The following FHOD3 variants were observed in gnomAD, a reference collection of about 807,000 sequenced individuals.
FHOD3 encodes the protein FH1/FH2 domain-containing protein 3.
FHOD3 carries 90 observed loss-of-function variants against 173.0 expected under a neutral mutation model. The ratio of observed to expected loss-of-function variants is 0.52; its 90% CI spans 0.44 to 0.62. The LOEUF is 0.62. Among genes scored for constraint, FHOD3 ranks in the 20% least tolerant of loss-of-function variants. The pLI is 0.00. For synonymous variants in FHOD3, 828 were observed against 823.0 expected, an observed-to-expected ratio of 1.01 and a Z score of -0.10; for missense variants, 1,945 against 2,034.7, an observed-to-expected ratio of 0.96 and a Z score of 0.85.
At chr18:36,452,048 G>T (rs557477717) in intron 3 of FHOD3, among the ~76,000 whole-genome samples, 1 of 152,060 alleles carries the variant, frequency 6.6e-6, no homozygotes, top group Non-Finnish European at 1.5e-5. Context: ...TTTCAAGCTG[G>T]GCTCCTGGGG....
At chr18:36,437,940 G>A (rs1333341370) in intron 3 of FHOD3, among the ~76,000 whole-genome samples, 1 of 152,018 alleles carries the variant, frequency 6.6e-6, no homozygotes, top group East Asian at 1.9e-4. Flanking sequence ...GGGATTACAG[G>A]CATGAGCCAC....
chr18:36,599,401 A>T (rs1241036756), intron 7 of FHOD3, among the ~76,000 whole-genome samples: 2 of 152,220 alleles, frequency 1.3e-5, no homozygotes, highest in African/African-American at 4.8e-5. Context: ...CTTTCAAGCG[A>T]TCCCATCTCT....
At chr18:36,653,680 C>T (rs954758881) in intron 13 of FHOD3, among the ~76,000 whole-genome samples, 10 of 152,168 alleles carry the variant, frequency 6.6e-5, no homozygotes, top group African/African-American at 2.4e-4. Flanking sequence ...ATGCCTTTCC[C>T]TGTTGCCTGC....
rs368154474 is a variant in FHOD3 at position 36,553,313 on chromosome 18, T to G, written c.512-23138T>G. 1.9e-4 allele frequency among the ~76,000 whole-genome samples: 29 copies of G among 152,332 alleles called. No homozygotes were observed. The East Asian group carries it at 3.7e-3, about 19-fold the overall frequency. On this transcript the variant is annotated intron_variant, in intron 5 of 28. Transcript: ENST00000590592. ...GTTGTGTCTCTGCCAGGCTTTGGTA[T>G]CAGGATGATGCTGGCCTCATAAAAT...
intron 28 of FHOD3, among the ~76,000 whole-genome samples, chr18:36,770,503 C>A (rs2043329986): frequency 6.6e-6 from 1 of 152,164 alleles, no homozygotes; most frequent in African/African-American, 2.4e-5. Context: ...CTGCTCCTTT[C>A]CTATGATCTG....
At chr18:36,484,374 C>T (rs1431501285) in intron 3 of FHOD3, among the ~76,000 whole-genome samples, 1 of 152,188 alleles carries the variant, frequency 6.6e-6, no homozygotes, top group East Asian at 1.9e-4. Flanking sequence ...TCCCATGCCA[C>T]ATACCAGACT....
At position 36,652,912 on chromosome 18, in the gene FHOD3, G is replaced by A. The variant is rs1043299913; in HGVS notation, c.1629G>A (p.Glu543=). The change falls in exon 12 of 29, where the codon GAG becomes GAA. Residue 543 remains glutamate, a synonymous_variant. Transcript: ENST00000590592. ...SSLSTKEKEA[E]SQKENSSSDS... ...TGTCCACCAAGGAGAAGGAAGCAGAGTCCCAGAAGGAAAACAGGTAGATTT... is the reference window on the plus strand; with the variant it reads ...TGTCCACCAAGGAGAAGGAAGCAGAATCCCAGAAGGAAAACAGGTAGATTT... The A allele has an allele frequency of 2.6e-6, 4 of 1,532,250 alleles. No individual in the cohort carries two copies. The highest frequency in any genetic ancestry group is 2.0e-5 in the Admixed American group (1 of 50,852). The allele number at this position is 1,532,250 out of a possible 1,614,324, so 94.9% of individuals were successfully genotyped here.
chr18:36,730,961 G>A (rs1405296439), intron 20 of FHOD3, among the ~76,000 whole-genome samples, 157 bp downstream of exon 20: 2 of 152,122 alleles, frequency 1.3e-5, no homozygotes, highest in Non-Finnish European at 2.9e-5. Flanking sequence ...CTTTTTGAGG[G>A]GAGGGGGAGT....
intron 6 of FHOD3, among the ~76,000 whole-genome samples, chr18:36,577,602 A>C (rs2058703333): frequency 6.6e-6 from 1 of 152,190 alleles, no homozygotes; most frequent in African/African-American, 2.4e-5. Context: ...CATCCGGCCC[A>C]TACTAGGTGT....
chr18:36,371,992 C>T (rs180807362), intron 2 of FHOD3, among the ~76,000 whole-genome samples: 1 of 152,324 alleles, frequency 6.6e-6, no homozygotes, highest in East Asian at 1.9e-4. Context: ...CTTCTACCAA[C>T]TGCTCCGTGC....
chr18:36,645,529 C>G (rs551004784), intron 10 of FHOD3, among the ~76,000 whole-genome samples: 77 of 152,222 alleles, frequency 5.1e-4, no homozygotes, highest in Non-Finnish European at 9.1e-4. Context: ...AGAGGCACCC[C>G]GAGTCCAGAT....
intron 10 of FHOD3, among the ~76,000 whole-genome samples, chr18:36,641,594 T>G (rs1273914872): frequency 1.3e-5 from 2 of 152,168 alleles, no homozygotes; most frequent in African/African-American, 4.8e-5. Context: ...CCCTCACTGG[T>G]CTGTAATCCA....
intron 14 of FHOD3, among the ~76,000 whole-genome samples, chr18:36,676,439 A>G (rs1236536117): frequency 6.6e-6 from 1 of 152,180 alleles, no homozygotes. Context: ...TATTTGTATA[A>G]TTCTAATTAA....
chr18:36,511,279 T>C (rs11662196), intron 4 of FHOD3, among the ~76,000 whole-genome samples: 1 of 151,860 alleles, frequency 6.6e-6, no homozygotes, highest in Non-Finnish European at 1.5e-5. Flanking sequence ...AAAACAATGG[T>C]GGAAAAATCC....
intron 14 of FHOD3, among the ~76,000 whole-genome samples, chr18:36,674,924 A>AT (rs1263584004): frequency 2.0e-5 from 3 of 152,168 alleles, no homozygotes; most frequent in Non-Finnish European, 4.4e-5. Context: ...TTCCAGTAAC[A>AT]TTTTTTTCCT....
intron 10 of FHOD3, among the ~76,000 whole-genome samples, chr18:36,628,862 G>A (rs534718176): frequency 6.6e-6 from 1 of 152,220 alleles, no homozygotes; most frequent in African/African-American, 2.4e-5. Flanking sequence ...GTTTATCCTG[G>A]TTCTTCCTCT....
chr18:36,681,356 A>G, intron 14 of FHOD3, 80 bp from the exon 15 acceptor site: 1 of 1,553,224 alleles, frequency 6.4e-7, no homozygotes, highest in Non-Finnish European at 8.8e-7. Context: ...CTCAATTCTA[A>G]CCAAGGTCTG....
chr18:36,760,743 C>A lies in FHOD3; in HGVS notation c.4585C>A (p.Pro1529Thr). 6.2e-7 allele frequency: 1 copy of A among 1,612,604 alleles called. No individual in the cohort carries two copies. Among genetic ancestry groups the A allele is most frequent in the Non-Finnish European group, 8.5e-7 (1 of 1,179,872 alleles). ...GTCCCCCTCCGTGGAGGACGCCACCCCCGCGCTGGGCGTCCGCACACGCAG... is the reference window on the plus strand; with the variant it reads ...GTCCCCCTCCGTGGAGGACGCCACCACCGCGCTGGGCGTCCGCACACGCAG... ...TSSPSVEDAT[P>T]ALGVRTRSRA... Residue 1529 changes from proline (P) to threonine (T), a missense_variant, in exon 27 of 29, where the codon CCC becomes ACC. Around this residue, in one of 5 missense-constraint regions of FHOD3, gnomAD observed 354 missense variants for 359.9 expected, o/e 0.98. Coordinates refer to ENST00000590592, the MANE Select transcript of FHOD3 (RefSeq NM_001281740.3).
chr18:36,624,256 A>G (rs2033924398), intron 9 of FHOD3, among the ~76,000 whole-genome samples: 2 of 152,194 alleles, frequency 1.3e-5, no homozygotes, highest in Non-Finnish European at 2.9e-5. Flanking sequence ...AGTTACCTTT[A>G]CATAAGTGAT....
Sources: allele counts gnomAD v4.1 joint callset (sites outside exome capture counted in the v4.1 genomes callset), GRCh38; gene constraint gnomAD v4.1.1; regional missense constraint gnomAD v4.1.1; transcripts MANE v1.5; gene names NCBI Gene and HGNC (gene_info 2026-07-23, HGNC 2026-07-21).